Variants in IFT80 observed in about 807,000 individuals in gnomAD.
IFT80 encodes intraflagellar transport 80.
A neutral mutation model predicts 107.9 loss-of-function variants in IFT80; 79 were observed. The ratio of observed to expected loss-of-function variants is 0.73; its 90% CI spans 0.61 to 0.88. The LOEUF is 0.88. IFT80 is among the 40% of genes least tolerant of loss of function. The pLI, the probability that IFT80 is intolerant of heterozygous loss-of-function variation, is 0.00. For missense variants in IFT80, 797 were observed against 914.2 expected (o/e 0.87, Z 1.65); for synonymous variants, 299 against 300.9 (o/e 0.99, Z 0.07).
At chr3:160,282,753 A>G (rs1297971735) in intron 13 of IFT80, 140 bp from the exon 14 acceptor site, 2 of 644,358 alleles carry the variant, frequency 3.1e-6, no homozygotes, top group African/African-American at 3.7e-5. Flanking sequence ...TCCCTGTTAA[A>G]TAATTTTAAA....
intron 10 of IFT80, among the ~76,000 whole-genome samples, chr3:160,305,041 G>C (rs1293489754): frequency 6.6e-6 from 1 of 152,116 alleles, no homozygotes; most frequent in Admixed American, 6.5e-5. Flanking sequence ...AGATCATTTT[G>C]TTTTTATAGG....
intron 12 of IFT80, chr3:160,299,194 T>G: frequency 9.1e-7 from 1 of 1,096,792 alleles, no homozygotes; most frequent in South Asian, 2.3e-5. Flanking sequence ...TACTATATTA[T>G]TCCATTCTGT....
chr3:160,393,196 A>G (rs1321402195), intron 1 of IFT80, among the ~76,000 whole-genome samples: 1 of 152,236 alleles, frequency 6.6e-6, no homozygotes, highest in Non-Finnish European at 1.5e-5. Flanking sequence ...TCATAAAGTC[A>G]ATATAAATCA....
intron 8 of IFT80, among the ~76,000 whole-genome samples, chr3:160,355,728 A>G (rs1721028283): frequency 6.6e-6 from 1 of 152,228 alleles, no homozygotes; most frequent in South Asian, 2.1e-4. Flanking sequence ...TCCATATTGA[A>G]TGGGCATAAA....
intron 18 of IFT80, among the ~76,000 whole-genome samples, chr3:160,274,941 G>A (rs1173881344): frequency 1.3e-5 from 2 of 152,192 alleles, no homozygotes; most frequent in Non-Finnish European, 2.9e-5. Flanking sequence ...AATGATATAT[G>A]CAATGGTACC....
At chr3:160,299,350 GTACTGAAAA>G (rs1356419165) in intron 12 of IFT80, 7 of 472,364 alleles carry the variant, frequency 1.5e-5, no homozygotes, top group African/African-American at 4.2e-5. Flanking sequence ...ATTATCTGAA[GTACTGAAAA>G]TTAAAAATTA....
intron 9 of IFT80, among the ~76,000 whole-genome samples, chr3:160,315,788 G>C (rs1717772123): frequency 6.6e-6 from 1 of 152,136 alleles, no homozygotes; most frequent in Non-Finnish European, 1.5e-5. Flanking sequence ...TTCCAAACCA[G>C]AGAGTTGGAG....
intron 11 of IFT80, among the ~76,000 whole-genome samples, chr3:160,301,517 T>C (rs778490993): frequency 6.6e-5 from 10 of 151,972 alleles, no homozygotes; most frequent in Middle Eastern, 3.4e-3. Flanking sequence ...TTTAAAGCAG[T>C]GAAAATGACT....
At chr3:160,336,601 G>C (rs1457775622) in intron 8 of IFT80, among the ~76,000 whole-genome samples, 1 of 151,902 alleles carries the variant, frequency 6.6e-6, no homozygotes, top group African/African-American at 2.4e-5. Flanking sequence ...ATGTGTGTGT[G>C]TGTGTGTATC....
intron 1 of IFT80, among the ~76,000 whole-genome samples, chr3:160,396,346 C>T (rs1293678446): frequency 2.0e-5 from 3 of 151,822 alleles, no homozygotes; most frequent in Non-Finnish European, 2.9e-5. Context: ...TACATAAATT[C>T]ATATTAGTTA....
chr3:160,267,215 A>G (rs1713406767), intron 19 of IFT80, among the ~76,000 whole-genome samples: 1 of 152,202 alleles, frequency 6.6e-6, no homozygotes. Context: ...AGATCAAGAC[A>G]CTACGTATTC....
chr3:160,347,402 A>G (rs1720368007), intron 8 of IFT80, among the ~76,000 whole-genome samples: 1 of 152,100 alleles, frequency 6.6e-6, no homozygotes, highest in Non-Finnish European at 1.5e-5. Context: ...GGAGGAACCA[A>G]TTTCTAGGGC....
At chr3:160,323,236 GT>G (rs1370518813) in intron 8 of IFT80, among the ~76,000 whole-genome samples, 1 of 149,768 alleles carries the variant, frequency 6.7e-6, no homozygotes, top group Admixed American at 6.7e-5. Context: ...AAGGGATCCA[GT>G]TTCAGCTTTC....
intron 8 of IFT80, among the ~76,000 whole-genome samples, chr3:160,338,806 T>C (rs1719675803): frequency 6.6e-6 from 1 of 152,186 alleles, no homozygotes; most frequent in Non-Finnish European, 1.5e-5. Flanking sequence ...CTTGCTCTCC[T>C]TTCTAAATGC....
At position 160,347,111 on chromosome 3, in the gene IFT80, C is replaced by T. The variant is rs192108620; in HGVS notation, c.777+8902G>A. 2.1e-3 allele frequency among the ~76,000 whole-genome samples: 317 copies of T among 152,176 alleles called. 7 individuals are homozygous for T. The highest frequency in any genetic ancestry group is 0.02 in the Admixed American group (310 of 15,270). On this transcript the variant is annotated intron_variant, in intron 8 of 19. Transcript: ENST00000326448. ...ACCACAACTTTTTGAGGACACTGTC[C>T]ATATTGTGTACCCTGCCCCACCCCC... is the stretch of plus-strand genomic sequence containing the variant.
intron 9 of IFT80, among the ~76,000 whole-genome samples, chr3:160,317,177 A>G (rs1717885979): frequency 6.6e-6 from 1 of 152,154 alleles, no homozygotes; most frequent in African/African-American, 2.4e-5. Flanking sequence ...GGATCACTCA[A>G]TAGATACCCA....
intron 12 of IFT80, among the ~76,000 whole-genome samples, chr3:160,291,588 T>C (rs1267309265): frequency 6.6e-6 from 1 of 152,234 alleles, no homozygotes; most frequent in Non-Finnish European, 1.5e-5. Context: ...TGTAAGGCCA[T>C]TCCTCTGACA....
intron 10 of IFT80, among the ~76,000 whole-genome samples, chr3:160,304,941 T>C (rs1231451712): frequency 5.9e-5 from 9 of 152,196 alleles, no homozygotes; most frequent in African/African-American, 2.2e-4. Flanking sequence ...TGAAAAGATT[T>C]CTGTGAAGCA....
At chr3:160,298,704 G>A (rs1716182200) in intron 12 of IFT80, among the ~76,000 whole-genome samples, 1 of 152,130 alleles carries the variant, frequency 6.6e-6, no homozygotes, top group Non-Finnish European at 1.5e-5. Flanking sequence ...TCATTGTGTG[G>A]ACATCATGGA....
Sources: allele counts gnomAD v4.1 joint callset (sites outside exome capture counted in the v4.1 genomes callset), GRCh38; gene constraint gnomAD v4.1.1; transcripts MANE v1.5; gene names NCBI Gene and HGNC (gene_info 2026-07-23, HGNC 2026-07-21).